Variants in APBB2 observed in about 807,000 individuals in gnomAD.
The protein encoded by APBB2 is amyloid beta precursor protein binding family B member 2.
Under a neutral mutation model 82.5 loss-of-function variants are expected in APBB2, and 38 were observed. That is an observed-to-expected ratio of 0.46 (90% confidence interval 0.36 to 0.60). The LOEUF (loss-of-function observed/expected upper bound fraction) is 0.60, where lower values mean the gene tolerates loss of function less well. Among genes scored for constraint, APBB2 ranks in the 20% least tolerant of loss-of-function variants. The probability of loss-of-function intolerance (pLI) is 0.00; values close to 1 mark genes in which losing one functional copy is unlikely to be tolerated. For missense variants in APBB2, 772 were observed against 972.3 expected (o/e 0.79, Z 2.74); for synonymous variants, 341 against 368.2 (o/e 0.93, Z 0.85).
chr4:41,198,308 T>C, intron 1 of APBB2, among the ~76,000 whole-genome samples: 1 of 152,222 alleles, frequency 6.6e-6, no homozygotes, highest in South Asian at 2.1e-4. Context: ...GGATCCTGTC[T>C]GCCTGGGCCA....
chr4:40,899,830 C>T (rs1010652880), intron 10 of APBB2, among the ~76,000 whole-genome samples: 1 of 152,096 alleles, frequency 6.6e-6, no homozygotes, highest in Non-Finnish European at 1.5e-5. Context: ...CTTCAGGGAC[C>T]AGGTGGGGCA....
At chr4:41,159,162 T>G (rs1764217289) in intron 1 of APBB2, among the ~76,000 whole-genome samples, 1 of 152,170 alleles carries the variant, frequency 6.6e-6, no homozygotes, top group Non-Finnish European at 1.5e-5. Context: ...AGTCTCAAAC[T>G]CACTAGGCCT....
intron 12 of APBB2, chr4:40,881,066 T>C (rs1768337177): frequency 1.0e-6 from 1 of 985,240 alleles, no homozygotes; most frequent in Non-Finnish European, 1.2e-6. Context: ...AAGCATCCCA[T>C]CATGATTAAT....
intron 3 of APBB2, among the ~76,000 whole-genome samples, chr4:41,069,454 AGCCTTTGT>A (rs1733085902): frequency 6.6e-6 from 1 of 152,224 alleles, no homozygotes; most frequent in South Asian, 2.1e-4. Flanking sequence ...TTCCCCAGAC[AGCCTTTGT>A]GATCTCAAAA....
At chr4:41,165,851 C>T (rs1766392419) in intron 1 of APBB2, among the ~76,000 whole-genome samples, 1 of 151,146 alleles carries the variant, frequency 6.6e-6, no homozygotes, top group South Asian at 2.1e-4. Context: ...GCAAGCCATT[C>T]ATGCCAGCAT....
intron 6 of APBB2, among the ~76,000 whole-genome samples, chr4:40,974,117 G>C (rs763733133): frequency 3.3e-5 from 5 of 152,002 alleles, no homozygotes; most frequent in African/African-American, 1.2e-4. Flanking sequence ...CTCCAAAAGT[G>C]CTGGGATTAC....
intron 6 of APBB2, among the ~76,000 whole-genome samples, chr4:40,994,285 CAA>C (rs34027629): frequency 1.5e-3 from 209 of 139,528 alleles, no homozygotes; most frequent in Non-Finnish European, 1.2e-3. Flanking sequence ...AGACTCATCT[CAA>C]AAAAAAAAAA....
intron 17 of APBB2, among the ~76,000 whole-genome samples, chr4:40,817,861 G>A (rs1282563550): frequency 2.6e-5 from 4 of 152,160 alleles, no homozygotes; most frequent in Non-Finnish European, 5.9e-5. Flanking sequence ...CGTCTCCTCT[G>A]TGTAAGGTAT....
chr4:41,213,168 G>A (rs932208625), intron 1 of APBB2, among the ~76,000 whole-genome samples: 1 of 150,926 alleles, frequency 6.6e-6, no homozygotes, highest in African/African-American at 2.4e-5. Flanking sequence ...TTTTAAATCA[G>A]TGAAATATTA....
intron 13 of APBB2, 30 bp from the exon 14 acceptor site, chr4:40,827,249 G>A (rs750668225): frequency 2.3e-5 from 37 of 1,596,320 alleles, no homozygotes; most frequent in Admixed American, 3.3e-5. Flanking sequence ...GCTTTGGAGC[G>A]TGGGTTCAAG....
chr4:41,025,083 G>A (rs544362408), intron 5 of APBB2, among the ~76,000 whole-genome samples: 1 of 152,160 alleles, frequency 6.6e-6, no homozygotes, highest in Non-Finnish European at 1.5e-5. Flanking sequence ...ATGTTAATCC[G>A]CTGGGTCTGA....
chr4:40,980,775 G>A (rs1366357674), intron 6 of APBB2, among the ~76,000 whole-genome samples: 2 of 152,148 alleles, frequency 1.3e-5, no homozygotes, highest in East Asian at 1.9e-4. Context: ...ACCAAAGAAG[G>A]CAATAAGAAA....
At chr4:41,064,485 C>T (rs1459986230) in intron 4 of APBB2, among the ~76,000 whole-genome samples, 4 of 152,200 alleles carry the variant, frequency 2.6e-5, no homozygotes, top group Non-Finnish European at 5.9e-5. Context: ...AGCCAAAATT[C>T]CACAGGTTCC....
chr4:40,916,441 C>A (rs1392937135), intron 10 of APBB2, among the ~76,000 whole-genome samples: 1 of 152,230 alleles, frequency 6.6e-6, no homozygotes, highest in Non-Finnish European at 1.5e-5. Context: ...CTAAGATAGT[C>A]ACTTCCCACC....
chr4:40,907,471 A>G (rs1419120407), intron 10 of APBB2, among the ~76,000 whole-genome samples: 1 of 147,770 alleles, frequency 6.8e-6, no homozygotes, highest in Non-Finnish European at 1.5e-5. Flanking sequence ...CCTGAGTTCA[A>G]GCAATGATCC....
At chr4:40,973,064 A>G (rs1457862711) in intron 6 of APBB2, among the ~76,000 whole-genome samples, 1 of 152,258 alleles carries the variant, frequency 6.6e-6, no homozygotes, top group African/African-American at 2.4e-5. Context: ...TATTTGAATG[A>G]CATATACATA....
intron 10 of APBB2, 69 bp from the exon 11 acceptor site, chr4:40,893,480 C>T (rs980233903): frequency 2.4e-5 from 35 of 1,432,954 alleles, no homozygotes; most frequent in Non-Finnish European, 3.1e-5. Context: ...TTACACTACT[C>T]CCCTCCCGCA....
chr4:41,210,493 T>C (rs1182716646), intron 1 of APBB2, among the ~76,000 whole-genome samples: 1 of 152,240 alleles, frequency 6.6e-6, no homozygotes, highest in Non-Finnish European at 1.5e-5. Context: ...ACTCTGCCTC[T>C]GACAAACCAT....
chr4:40,980,874 G>A (rs961500565), intron 6 of APBB2, among the ~76,000 whole-genome samples: 1 of 152,180 alleles, frequency 6.6e-6, no homozygotes, highest in Non-Finnish European at 1.5e-5. Flanking sequence ...GATATTTCAA[G>A]TAAGTTTCTT....
Sources: allele counts gnomAD v4.1 joint callset (sites outside exome capture counted in the v4.1 genomes callset), GRCh38; gene constraint gnomAD v4.1.1; transcripts MANE v1.5; gene names NCBI Gene and HGNC (gene_info 2026-07-23, HGNC 2026-07-21).